SOD1: variants seen among roughly 807,000 people sequenced by gnomAD.
SOD1 encodes the protein superoxide dismutase 1.
SOD1 carries 8 observed loss-of-function variants against 15.9 expected under a neutral mutation model. The observed-to-expected ratio is 0.50, with a 90% CI of 0.30 to 0.91. The LOEUF is 0.91. Among genes scored for constraint, SOD1 ranks in the 40% least tolerant of loss-of-function variants. SOD1 has a pLI of 0.07. For synonymous variants in SOD1, 86 were observed against 71.2 expected, an observed-to-expected ratio of 1.21 and a Z score of -1.04; for missense variants, 137 against 194.5, an observed-to-expected ratio of 0.70 and a Z score of 1.76.
chr21:31,666,530 C>G lies in SOD1; in HGVS notation c.239+12C>G. 6.3e-7 allele frequency: 1 copy of G among 1,583,294 alleles called. No homozygotes were observed. The highest frequency in any genetic ancestry group is 8.7e-7 in the Non-Finnish European group (1 of 1,152,612). On this transcript the variant is annotated intron_variant, in intron 3 of 4. Transcript: ENST00000270142. ...AAGGATGAAGAGAGGTAACAAGATGCTTAACTCTTGTAATAATGGCGATAG... is the reference window on the plus strand; with the variant it reads ...AAGGATGAAGAGAGGTAACAAGATGGTTAACTCTTGTAATAATGGCGATAG...
chr21:31,665,150 T>C (rs1400373930), intron 2 of SOD1, among the ~76,000 whole-genome samples: 2 of 152,166 alleles, frequency 1.3e-5, no homozygotes, highest in South Asian at 2.1e-4. Context: ...ATTGGTACTT[T>C]GGAATATGCT....
In SOD1 at chr21:31,664,031, G is replaced by T. The variant is rs1056277094; in HGVS notation, c.169+145G>T. 2.4e-5 allele frequency: 16 copies of T among 673,538 alleles called. No homozygotes were observed. In the African/African-American group the frequency reaches 2.8e-4, roughly 12 times the overall value. 41.7% of individuals were successfully genotyped at this position (673,538 alleles called of 1,614,324 possible). Reference sequence around the variant, plus strand: ...CTGTCGCTCAGGCTGGAGTGCAGTGGCGCTGTGCGATCATGGCTGACCTTA... The same window carrying T: ...CTGTCGCTCAGGCTGGAGTGCAGTGTCGCTGTGCGATCATGGCTGACCTTA... On this transcript the variant is annotated intron_variant, in intron 2 of 4. Coordinates refer to ENST00000270142, the MANE Select transcript of SOD1 (RefSeq NM_000454.5).
intron 1 of SOD1, among the ~76,000 whole-genome samples, chr21:31,663,042 G>C (rs1054140577): frequency 1.3e-5 from 2 of 149,258 alleles, no homozygotes; most frequent in African/African-American, 4.9e-5. Flanking sequence ...ACTTATGATG[G>C]ACACTTAAAA....
chr21:31,668,607 C>G lies in SOD1; in HGVS notation c.*29C>G. ...TTCCCTTGGATGTAGTCTGAGGCCC[C>G]TTAACTCATCTGTTATCCTGCTAGC... On this transcript the variant is annotated 3_prime_UTR_variant, in exon 5 of 5. Transcript: ENST00000270142. 7.0e-7 allele frequency: 1 copy of G among 1,429,608 alleles called. No homozygotes were observed. Among genetic ancestry groups the G allele is most frequent in the South Asian group, 1.1e-5 (1 of 87,396 alleles). 88.6% of individuals were successfully genotyped at this position (1,429,608 alleles called of 1,614,324 possible).
Position 31,666,119 on chromosome 21 carries a change from G to A in SOD1, c.170-330G>A, listed in dbSNP as rs138116676. On this transcript the variant is annotated intron_variant, in intron 2 of 4. Coordinates refer to ENST00000270142, the MANE Select transcript of SOD1 (RefSeq NM_000454.5). ...ACTAAGTAGCTGGGACTATAGGTGC[G>A]CACCACCACGCCTAGCTAATTTTTG... 3.9e-3 allele frequency among the ~76,000 whole-genome samples: 591 copies of A among 152,002 alleles called. 1 individual carries two copies. The highest frequency in any genetic ancestry group is 6.1e-3 in the Non-Finnish European group (416 of 67,950).
intron 2 of SOD1, 68 bp downstream of exon 2, chr21:31,663,954 C>G (rs1259366236): frequency 2.5e-6 from 3 of 1,222,192 alleles, no homozygotes; most frequent in Non-Finnish European, 3.6e-6. Context: ...AGAGTAGCCC[C>G]TAAACGTTAA....
chr21:31,659,925 C>A (rs550598897), intron 1 of SOD1, 84 bp downstream of exon 1: 3 of 1,420,598 alleles, frequency 2.1e-6, no homozygotes, highest in African/African-American at 1.4e-5. Context: ...GCGGGTCGCC[C>A]GCCAGGCCTC....
At chr21:31,661,338 T>G (rs1249003202) in intron 1 of SOD1, among the ~76,000 whole-genome samples, 1 of 152,184 alleles carries the variant, frequency 6.6e-6, no homozygotes, top group Non-Finnish European at 1.5e-5. Flanking sequence ...TTGTCCCTCT[T>G]TACTTCTCCC....
At chr21:31,660,541 TTCC>T (rs1292335985) in intron 1 of SOD1, 1 of 152,232 alleles carries the variant, frequency 6.6e-6, no homozygotes, top group East Asian at 1.9e-4. Flanking sequence ...AGAGGTCCTT[TTCC>T]TCCTCCTAAG....
chr21:31,663,809 A>G lies in SOD1; in HGVS notation c.92A>G (p.Lys31Arg). 3 of 1,612,910 alleles carry G rather than the reference A, an allele frequency of 1.9e-6. No individual in the cohort carries two copies. The highest frequency in any genetic ancestry group is 2.5e-6 in the Non-Finnish European group (3 of 1,179,022). ...TTAAAGGAAAGTAATGGACCAGTGA[A>G]GGTGTGGGGAAGCATTAAAGGACTG... ...FEQKESNGPV[K>R]VWGSIKGLTE... Residue 31 changes from lysine to arginine, a missense_variant, in exon 2 of 5, where the codon AAG becomes AGG. Physicochemically the swap from Lys to Arg is conservative, Grantham distance 26. Transcript: ENST00000270142.
chr21:31,663,563 C>T (rs1236679546), intron 1 of SOD1, among the ~76,000 whole-genome samples: 2 of 152,164 alleles, frequency 1.3e-5, no homozygotes, highest in African/African-American at 4.8e-5. Flanking sequence ...GGTGCTTGTG[C>T]ATTGAGTGTG....
At position 31,668,671 on chromosome 21, in the gene SOD1, C is replaced by G; in HGVS notation, c.*93C>G. The G allele has an allele frequency of 1.0e-6, 1 of 971,162 alleles. No homozygotes were observed. The highest frequency in any genetic ancestry group is 1.7e-6 in the Non-Finnish European group (1 of 605,168). 60.2% of individuals were successfully genotyped at this position (971,162 alleles called of 1,614,324 possible). Reference sequence around the variant, plus strand: ...CCTGATAAACATTAAACACTGTAATCTTAAAAGTGTAATTGTGTGACTTTT... The same window carrying G: ...CCTGATAAACATTAAACACTGTAATGTTAAAAGTGTAATTGTGTGACTTTT... On this transcript the variant is annotated 3_prime_UTR_variant, in exon 5 of 5. Transcript: ENST00000270142.
In SOD1 at chr21:31,668,671, C is replaced by T; in HGVS notation, c.*93C>T. The T allele has an allele frequency of 1.0e-6, 1 of 971,162 alleles. No individual in the cohort carries two copies. Among genetic ancestry groups the T allele is most frequent in the East Asian group, 2.5e-5 (1 of 40,628 alleles). 60.2% of individuals were successfully genotyped at this position (971,162 alleles called of 1,614,324 possible). A position where few individuals can be genotyped will look rare whatever the true frequency, so the allele number is the denominator to read the frequency against. On this transcript the variant is annotated 3_prime_UTR_variant, in exon 5 of 5. Coordinates refer to ENST00000270142, the MANE Select transcript of SOD1 (RefSeq NM_000454.5). ...CCTGATAAACATTAAACACTGTAAT[C>T]TTAAAAGTGTAATTGTGTGACTTTT...
At position 31,665,866 on chromosome 21, in the gene SOD1, C is replaced by T. The variant is rs1205067937; in HGVS notation, c.170-583C>T. Among the ~76,000 whole-genome samples the T allele has an allele frequency of 2.6e-5, 4 of 152,038 alleles. No homozygotes were observed. In the East Asian group the frequency reaches 7.7e-4, roughly 29 times the overall value. On this transcript the variant is annotated intron_variant, in intron 2 of 4. Coordinates refer to ENST00000270142, the MANE Select transcript of SOD1 (RefSeq NM_000454.5). ...CCATGGGATTTTAATAATAGAAAAACTGTTGAAGATCAGTCTGGTCCCTTA... is the reference window on the plus strand; with the variant it reads ...CCATGGGATTTTAATAATAGAAAAATTGTTGAAGATCAGTCTGGTCCCTTA...
intron 2 of SOD1, among the ~76,000 whole-genome samples, chr21:31,665,826 G>A (rs1165252553): frequency 6.6e-6 from 1 of 152,182 alleles, no homozygotes; most frequent in Non-Finnish European, 1.5e-5. Context: ...ACGTTCTTAA[G>A]AATTTGGATC....
At position 31,666,535 on chromosome 21, in the gene SOD1, C is replaced by G. The variant is rs2123434677; in HGVS notation, c.239+17C>G. 2 of 1,568,926 alleles carry G rather than the reference C, an allele frequency of 1.3e-6. No homozygotes were observed. Among genetic ancestry groups the G allele is most frequent in the Non-Finnish European group, 8.8e-7 (1 of 1,139,598 alleles). On this transcript the variant is annotated intron_variant, in intron 3 of 4. Transcript: ENST00000270142. ...TGAAGAGAGGTAACAAGATGCTTAA[C>G]TCTTGTAATAATGGCGATAGCTTTC...
chr21:31,662,678 C>T (rs2049557933), intron 1 of SOD1, among the ~76,000 whole-genome samples: 1 of 152,140 alleles, frequency 6.6e-6, no homozygotes, highest in African/African-American at 2.4e-5. Context: ...TCAGTCCTCT[C>T]CTGGGGGCAG....
chr21:31,664,552 G>GCCAAAA (rs2049576958), intron 2 of SOD1: 1 of 154,120 alleles, frequency 6.5e-6, no homozygotes, highest in African/African-American at 2.4e-5. Context: ...TTGATACCTA[G>GCCAAAA]GTGTGGAAAA....
chr21:31,659,697 CG>C lies in SOD1; in HGVS notation c.-72del. On this transcript the variant is annotated 5_prime_UTR_variant, in exon 1 of 5. Transcript: ENST00000270142. ...GCGGAGACGGGGTGCTGGTTTGCGTCGTAGTCTCCTGCAGCGTCTGGGGTTT... is the reference window on the plus strand; with the variant it reads ...GCGGAGACGGGGTGCTGGTTTGCGTCTAGTCTCCTGCAGCGTCTGGGGTTT... The C allele has an allele frequency of 6.7e-7, 1 of 1,500,306 alleles. No homozygotes were observed. The allele number at this position is 1,500,306 out of a possible 1,614,324, so 92.9% of individuals were successfully genotyped here.
Sources: gnomAD v4.1 joint callset for allele counts (sites outside exome capture counted in the v4.1 genomes callset) on GRCh38, gnomAD v4.1.1 for gene constraint, MANE v1.5 for transcripts, NCBI Gene and HGNC (gene_info 2026-07-23, HGNC 2026-07-21) for gene names.